The following ZFAND1 variants were observed in gnomAD, a reference collection of about 807,000 sequenced individuals.
The protein encoded by ZFAND1 is AN1-type zinc finger protein 1.
Under a neutral mutation model 38.5 loss-of-function variants are expected in ZFAND1, and 40 were observed. The observed-to-expected ratio is 1.04, with a 90% CI of 0.81 to 1.35. The LOEUF is 1.35. Ranked by LOEUF, ZFAND1 falls within the 40% of genes most tolerant of loss-of-function variation. The pLI, the probability that ZFAND1 is intolerant of heterozygous loss-of-function variation, is 0.00. For missense variants in ZFAND1, 346 were observed against 316.3 expected, an observed-to-expected ratio of 1.09 and a Z score of -0.71; for synonymous variants, 117 against 103.6, an observed-to-expected ratio of 1.13 and a Z score of -0.78.
At chr8:81,710,775 T>C (rs1172568387) in intron 6 of ZFAND1, among the ~76,000 whole-genome samples, 1 of 152,026 alleles carries the variant, frequency 6.6e-6, no homozygotes, top group Non-Finnish European at 1.5e-5. Flanking sequence ...AAAGAACATA[T>C]AACAATGAAG....
chr8:81,709,254 T>C (rs924760960), intron 6 of ZFAND1, among the ~76,000 whole-genome samples: 2 of 152,146 alleles, frequency 1.3e-5, no homozygotes, highest in Non-Finnish European at 2.9e-5. Context: ...GAGAAGGATA[T>C]ATAGTCTACC....
chr8:81,711,472 A>G (rs890163223), intron 6 of ZFAND1, among the ~76,000 whole-genome samples: 11 of 152,172 alleles, frequency 7.2e-5, no homozygotes, highest in Non-Finnish European at 1.2e-4. Context: ...AGGCTGGAAA[A>G]AGGATGTCAG....
chr8:81,706,370 C>CAAAAAAAAAAAAAAAAAAAAAAAAAAAAA (rs35031788), intron 6 of ZFAND1, among the ~76,000 whole-genome samples: 5 of 72,672 alleles, frequency 6.9e-5, no homozygotes, highest in South Asian at 6.9e-4. Context: ...GAAGGAGAAA[C>CAAAAAAAAAAAAAAAAAAAAAAAAAAAAA]AAAAAAAAAA....
chr8:81,713,858 A>G, intron 6 of ZFAND1, 60 bp downstream of exon 6: 1 of 1,551,066 alleles, frequency 6.4e-7, no homozygotes, highest in Non-Finnish European at 8.9e-7. Context: ...AAGGAGGAAT[A>G]CAAAGAGGAC....
At chr8:81,718,875 T>C (rs1808388853) in intron 1 of ZFAND1, among the ~76,000 whole-genome samples, 1 of 151,744 alleles carries the variant, frequency 6.6e-6, no homozygotes, top group Non-Finnish European at 1.5e-5. Context: ...TATATATGTA[T>C]GTAAATAAAC....
intron 6 of ZFAND1, among the ~76,000 whole-genome samples, chr8:81,708,434 A>G (rs1808044699): frequency 6.6e-6 from 1 of 152,140 alleles, no homozygotes; most frequent in Non-Finnish European, 1.5e-5. Context: ...CAATTTACAA[A>G]TAATGATTTT....
intron 6 of ZFAND1, among the ~76,000 whole-genome samples, chr8:81,703,610 AC>A (rs1267639532): frequency 6.6e-6 from 1 of 152,124 alleles, no homozygotes; most frequent in African/African-American, 2.4e-5. Context: ...TTTACTAGAG[AC>A]GGGCTTTCAC....
At chr8:81,710,556 A>C (rs1284969187) in intron 6 of ZFAND1, among the ~76,000 whole-genome samples, 1 of 152,138 alleles carries the variant, frequency 6.6e-6, no homozygotes, top group Non-Finnish European at 1.5e-5. Flanking sequence ...AAAGGATTCA[A>C]TTCACCTACA....
intron 6 of ZFAND1, among the ~76,000 whole-genome samples, chr8:81,712,508 G>A (rs1352066827): frequency 6.6e-6 from 1 of 151,950 alleles, no homozygotes; most frequent in Non-Finnish European, 1.5e-5. Flanking sequence ...CAAAATATGG[G>A]AACTATTAGG....
rs142438017 is a variant in ZFAND1 at position 81,702,452 on chromosome 8, A to T, written c.*243T>A. 2.1e-3 allele frequency: 518 copies of T among 247,744 alleles called. 2 individuals are homozygous for T. The highest frequency in any genetic ancestry group is 0.018 in the South Asian group (184 of 10,310). 15.3% of individuals were successfully genotyped at this position (247,744 alleles called of 1,614,324 possible). ...GAAATACATCTTTGTTGTTGTCACT[A>T]CAGCATAAACTAATGAAAGCTAATT... On this transcript the variant is annotated 3_prime_UTR_variant, in exon 8 of 8. Coordinates refer to ENST00000220669, the MANE Select transcript of ZFAND1 (RefSeq NM_024699.3).
At chr8:81,710,280 TTTTTCTCCATATGCATC>T (rs1255797211) in intron 6 of ZFAND1, among the ~76,000 whole-genome samples, 1 of 152,184 alleles carries the variant, frequency 6.6e-6, no homozygotes, top group Non-Finnish European at 1.5e-5. Flanking sequence ...GTGTGTATGT[TTTTTCTCCATATGCATC>T]TTTTGATAGT....
intron 6 of ZFAND1, among the ~76,000 whole-genome samples, chr8:81,712,688 G>A (rs1332688713): frequency 6.6e-6 from 1 of 152,008 alleles, no homozygotes; most frequent in East Asian, 1.9e-4. Flanking sequence ...ATTATAGAAG[G>A]TTACTTCTAT....
At chr8:81,707,536 T>C (rs947610647) in intron 6 of ZFAND1, among the ~76,000 whole-genome samples, 2 of 152,222 alleles carry the variant, frequency 1.3e-5, no homozygotes, top group African/African-American at 4.8e-5. Flanking sequence ...CCCATTATGA[T>C]AACCTATAAA....
At chr8:81,719,992 A>C (rs1808426915) in intron 1 of ZFAND1, among the ~76,000 whole-genome samples, 1 of 152,230 alleles carries the variant, frequency 6.6e-6, no homozygotes, top group Non-Finnish European at 1.5e-5. Flanking sequence ...ATAAGTAACA[A>C]GAACCTAGAA....
intron 1 of ZFAND1, among the ~76,000 whole-genome samples, chr8:81,718,907 T>C (rs1808389581): frequency 1.3e-5 from 2 of 151,776 alleles, no homozygotes; most frequent in African/African-American, 4.8e-5. Flanking sequence ...CAAAGCTCTT[T>C]TATTGGGTAA....
chr8:81,702,904 C>A (rs2130380042), intron 7 of ZFAND1, 39 bp from the exon 8 acceptor site: 1 of 1,549,996 alleles, frequency 6.5e-7, no homozygotes, highest in Non-Finnish European at 8.7e-7. Context: ...AATAAATAAA[C>A]ATGCTTGAAT....
intron 6 of ZFAND1, among the ~76,000 whole-genome samples, chr8:81,704,040 T>C (rs1807893545): frequency 6.6e-6 from 1 of 152,098 alleles, no homozygotes; most frequent in Admixed American, 6.5e-5. Context: ...CAACATTTCT[T>C]TTTATGTGAA....
chr8:81,706,282 T>TA lies in ZFAND1; in HGVS notation c.481-3159dup, dbSNP rs11396575. Among the ~76,000 whole-genome samples, 476 of 143,128 alleles carry TA rather than the reference T, an allele frequency of 3.3e-3. 1 individual carries two copies. The highest frequency in any genetic ancestry group is 0.012 in the African/African-American group (462 of 38,530). 93.9% of individuals were successfully genotyped at this position (143,128 alleles called of 152,430 possible). A position where few individuals can be genotyped will look rare whatever the true frequency, so the allele number is the denominator to read the frequency against. ...TAAGGACATGTTCAAAAAAGACTCA[T>TA]AGAGTTTATTACCAGAGACCTTTAT... On this transcript the variant is annotated intron_variant, in intron 6 of 7. Transcript: ENST00000220669.
chr8:81,717,149 T>C lies in ZFAND1; in HGVS notation c.138+100A>G, dbSNP rs891894519. ...ACCTAATCAGTTTAGTATGCCAAAC[T>C]TTAATCTGTGATACTGACTGCCTTT... On this transcript the variant is annotated intron_variant, in intron 3 of 7. Coordinates refer to ENST00000220669, the MANE Select transcript of ZFAND1 (RefSeq NM_024699.3). 125 of 1,020,842 alleles carry C rather than the reference T, an allele frequency of 1.2e-4. 2 individuals carry two copies. In the East Asian group the frequency reaches 3.6e-3, roughly 29 times the overall value. The allele number at this position is 1,020,842 out of a possible 1,614,324, so 63.2% of individuals were successfully genotyped here. A position where few individuals can be genotyped will look rare whatever the true frequency, so the allele number is the denominator to read the frequency against.
Sources: allele counts gnomAD v4.1 joint callset (sites outside exome capture counted in the v4.1 genomes callset), GRCh38; gene constraint gnomAD v4.1.1; transcripts MANE v1.5; gene names NCBI Gene and HGNC (gene_info 2026-07-23, HGNC 2026-07-21).